The following KIAA2012 variants were observed in gnomAD, a reference collection of about 807,000 sequenced individuals.
KIAA2012 encodes the protein KIAA2012.
In KIAA2012, 125 loss-of-function variants were observed where a neutral mutation model predicts 150.6. The ratio of observed to expected loss-of-function variants is 0.83; its 90% CI spans 0.72 to 0.96. The LOEUF is 0.96. Among genes scored for constraint, KIAA2012 ranks in the 40% least tolerant of loss-of-function variants. The pLI, the probability that KIAA2012 is intolerant of heterozygous loss-of-function variation, is 0.00. For missense variants in KIAA2012, 1,219 were observed against 1,354.9 expected, an observed-to-expected ratio of 0.90 and a Z score of 1.57; for synonymous variants, 462 against 504.7, an observed-to-expected ratio of 0.92 and a Z score of 1.13.
chr2:202,163,688 T>A (rs74553966), intron 14 of KIAA2012, among the ~76,000 whole-genome samples: 1 of 152,008 alleles, frequency 6.6e-6, no homozygotes, highest in African/African-American at 2.4e-5. Flanking sequence ...ACTCTCCCTT[T>A]CAATACAGTT....
chr2:202,149,406 G>A (rs897038095), intron 13 of KIAA2012, among the ~76,000 whole-genome samples: 1 of 152,224 alleles, frequency 6.6e-6, no homozygotes, highest in East Asian at 1.9e-4. Flanking sequence ...TAAGATAATG[G>A]CGGGGTGTGT....
chr2:202,158,761 A>T (rs1691589384), intron 14 of KIAA2012, among the ~76,000 whole-genome samples: 2 of 152,376 alleles, frequency 1.3e-5, no homozygotes, highest in South Asian at 4.1e-4. Context: ...ATGGTAATTG[A>T]TGAATGAATA....
intron 2 of KIAA2012, among the ~76,000 whole-genome samples, chr2:202,085,720 A>G (rs929717900): frequency 6.6e-6 from 1 of 152,228 alleles, no homozygotes; most frequent in Non-Finnish European, 1.5e-5. Context: ...AGCAATAGGA[A>G]ATGAATACAC....
chr2:202,097,422 T>C lies in KIAA2012; in HGVS notation c.686-13T>C. On this transcript the variant is annotated splice_polypyrimidine_tract_variant and intron_variant, in intron 4 of 23. Coordinates refer to ENST00000498697, the MANE Select transcript of KIAA2012 (RefSeq NM_001277372.4). ...TCCAGGGTGACAAGCTGACCCATTG[T>C]TCACCATTGCAGGTCAACAGGGCCT... The C allele has an allele frequency of 6.5e-7, 1 of 1,550,280 alleles. No individual in the cohort carries two copies. Among genetic ancestry groups the C allele is most frequent in the Non-Finnish European group, 8.7e-7 (1 of 1,146,830 alleles).
chr2:202,107,419 T>C (rs1690225558), intron 9 of KIAA2012, among the ~76,000 whole-genome samples: 1 of 152,082 alleles, frequency 6.6e-6, no homozygotes, highest in Admixed American at 6.6e-5. Context: ...AAAATCCAAA[T>C]ATCGGCAGAG....
intron 22 of KIAA2012, among the ~76,000 whole-genome samples, chr2:202,199,061 C>T (rs571916072): frequency 1.3e-5 from 2 of 152,222 alleles, no homozygotes; most frequent in East Asian, 1.9e-4. Context: ...ACTTTCCACA[C>T]GAGAAGAAAA....
intron 19 of KIAA2012, 91 bp downstream of exon 19, chr2:202,190,584 C>T: frequency 1.0e-6 from 1 of 998,604 alleles, no homozygotes; most frequent in South Asian, 1.8e-5. Flanking sequence ...AATTATATTG[C>T]ACTTACTAAA....
intron 11 of KIAA2012, among the ~76,000 whole-genome samples, chr2:202,117,784 A>G (rs546409086): frequency 1.1e-3 from 160 of 152,350 alleles, no homozygotes; most frequent in African/African-American, 3.7e-3. Context: ...ACCAAAGTTA[A>G]GCAGATCCCT....
intron 20 of KIAA2012, 78 bp from the exon 21 acceptor site, chr2:202,194,112 G>A (rs970847099): frequency 6.8e-7 from 1 of 1,473,572 alleles, no homozygotes; most frequent in Non-Finnish European, 9.2e-7. Flanking sequence ...CTCCCCCATG[G>A]GCACTGTCTG....
intron 13 of KIAA2012, among the ~76,000 whole-genome samples, chr2:202,144,421 C>T (rs1246084437): frequency 6.6e-6 from 1 of 152,068 alleles, no homozygotes; most frequent in Non-Finnish European, 1.5e-5. Flanking sequence ...TTTGAATAAA[C>T]CTGTGTTTAC....
intron 15 of KIAA2012, among the ~76,000 whole-genome samples, chr2:202,168,397 G>A (rs140938017): frequency 0.048 from 6,316 of 130,506 alleles, 493 homozygotes; most frequent in African/African-American, 0.17. Context: ...CCAGCCTGAC[G>A]ACAGAGCAAG....
intron 23 of KIAA2012, among the ~76,000 whole-genome samples, chr2:202,204,129 T>A (rs1339073048): frequency 6.7e-6 from 1 of 149,202 alleles, no homozygotes; most frequent in Non-Finnish European, 1.5e-5. Context: ...CAAACTAGAG[T>A]GCAGTGGCGC....
intron 13 of KIAA2012, among the ~76,000 whole-genome samples, chr2:202,150,547 C>G (rs1219892234): frequency 6.6e-6 from 1 of 152,004 alleles, no homozygotes; most frequent in African/African-American, 2.4e-5. Flanking sequence ...CTCCTGGGTT[C>G]AGGCAATTCT....
intron 9 of KIAA2012, among the ~76,000 whole-genome samples, chr2:202,108,952 G>A (rs1311216632): frequency 6.6e-6 from 1 of 152,166 alleles, no homozygotes; most frequent in Non-Finnish European, 1.5e-5. Flanking sequence ...TGGGTTCCTG[G>A]GTTTCCTGCT....
At chr2:202,198,174 C>CAA (rs1009971980) in intron 22 of KIAA2012, among the ~76,000 whole-genome samples, 7,647 of 65,418 alleles carry the variant, frequency 0.12, 536 homozygotes, top group Non-Finnish European at 0.15. Context: ...GGCTCTTTCT[C>CAA]AAAAAAAAAA....
At chr2:202,130,982 G>T (rs184490018) in intron 12 of KIAA2012, among the ~76,000 whole-genome samples, 1 of 152,230 alleles carries the variant, frequency 6.6e-6, no homozygotes, top group African/African-American at 2.4e-5. Context: ...TCTTAAGGAT[G>T]TTTCCCGCCT....
intron 22 of KIAA2012, chr2:202,197,855 C>A (rs1403704445): frequency 9.3e-6 from 1 of 107,088 alleles, no homozygotes; most frequent in African/African-American, 3.5e-5. Context: ...CAGAGCAAGA[C>A]TCTCTTTAAA....
intron 12 of KIAA2012, among the ~76,000 whole-genome samples, chr2:202,127,880 C>G (rs1169616099): frequency 6.6e-6 from 1 of 152,108 alleles, no homozygotes; most frequent in Non-Finnish European, 1.5e-5. Context: ...GCGTTAAGTA[C>G]ATTCACATTA....
At position 202,099,849 on chromosome 2, in the gene KIAA2012, G is replaced by C. The variant is rs575598206; in HGVS notation, c.1012+53G>C. The stretch of plus-strand genomic sequence containing the variant: ...ATCTGGGTAAAGCCAGTCATGCAGA[G>C]TTCATTTAAGGACACTGAGGCATGC... On this transcript the variant is annotated intron_variant, in intron 6 of 23. Coordinates refer to ENST00000498697, the MANE Select transcript of KIAA2012 (RefSeq NM_001277372.4). The C allele has an allele frequency of 1.9e-5, 27 of 1,439,222 alleles. No individual in the cohort carries two copies. The South Asian group carries it at 3.7e-4, about 20-fold the overall frequency. The allele number at this position is 1,439,222 out of a possible 1,614,324, so 89.2% of individuals were successfully genotyped here.
Sources: allele counts gnomAD v4.1 joint callset (sites outside exome capture counted in the v4.1 genomes callset), GRCh38; gene constraint gnomAD v4.1.1; transcripts MANE v1.5; gene names NCBI Gene and HGNC (gene_info 2026-07-23, HGNC 2026-07-21).